Variants in PAN3 observed in about 807,000 individuals in gnomAD.
PAN3 encodes the protein poly(A) specific ribonuclease subunit PAN3.
A neutral mutation model predicts 96.2 loss-of-function variants in PAN3; 19 were observed. The ratio of observed to expected loss-of-function variants is 0.20; its 90% CI spans 0.14 to 0.29. PAN3 has a LOEUF of 0.29. Ranked by LOEUF, PAN3 falls within the 10% of genes least tolerant of loss-of-function variation. PAN3 has a pLI of 1.00. For synonymous variants in PAN3, 433 were observed against 406.6 expected (o/e 1.06, Z -0.78); for missense variants, 882 against 1,108.1 (o/e 0.80, Z 2.90).
intron 13 of PAN3, among the ~76,000 whole-genome samples, chr13:28,271,400 T>A (rs1344428096): frequency 2.0e-5 from 3 of 152,226 alleles, no homozygotes; most frequent in Admixed American, 2.0e-4. Context: ...TGTCTTGGGC[T>A]GCATAACATA....
chr13:28,149,535 C>T (rs1007976248), intron 1 of PAN3, among the ~76,000 whole-genome samples: 4 of 151,994 alleles, frequency 2.6e-5, no homozygotes, highest in African/African-American at 7.3e-5. Context: ...GCCTAGTAGT[C>T]GCTAGAAAGT....
intron 4 of PAN3, among the ~76,000 whole-genome samples, chr13:28,194,466 A>ATATATTTT (rs1429166016): frequency 1.6e-5 from 2 of 122,114 alleles, no homozygotes; most frequent in African/African-American, 7.2e-5. Context: ...ATATATATAT[A>ATATATTTT]TTTTTTTTTT....
At chr13:28,257,745 ATAAT>A (rs1885307791) in intron 7 of PAN3, among the ~76,000 whole-genome samples, 1 of 138,630 alleles carries the variant, frequency 7.2e-6, no homozygotes, top group African/African-American at 2.7e-5. Context: ...TAAATTATAT[ATAAT>A]ATATAATTAA....
At chr13:28,139,193 C>A (rs1048605721) in intron 1 of PAN3, 106 bp downstream of exon 1, 78 of 1,189,884 alleles carry the variant, frequency 6.6e-5, no homozygotes, top group Non-Finnish European at 7.7e-5. Context: ...GGCTCCCCCC[C>A]TCACCTCCCA....
At chr13:28,234,000 T>A (rs1207658284) in intron 6 of PAN3, among the ~76,000 whole-genome samples, 2 of 152,214 alleles carry the variant, frequency 1.3e-5, no homozygotes, top group Non-Finnish European at 2.9e-5. Flanking sequence ...CAGTTTCTCA[T>A]CCAGACCTCC....
At chr13:28,260,834 T>C (rs1294047233) in intron 8 of PAN3, among the ~76,000 whole-genome samples, 2 of 152,212 alleles carry the variant, frequency 1.3e-5, no homozygotes, top group African/African-American at 2.4e-5. Context: ...TTGAAGTATA[T>C]AAATAATTTA....
intron 1 of PAN3, among the ~76,000 whole-genome samples, chr13:28,147,781 T>C (rs978687414): frequency 6.6e-6 from 1 of 152,196 alleles, no homozygotes; most frequent in African/African-American, 2.4e-5. Context: ...GGGAATTGTC[T>C]AAGTAAGGGT....
intron 1 of PAN3, among the ~76,000 whole-genome samples, chr13:28,139,508 G>GTATGTT (rs1177750182): frequency 5.4e-5 from 7 of 130,564 alleles, no homozygotes; most frequent in African/African-American, 2.2e-4. Context: ...GTGGGGAGGG[G>GTATGTT]TGTGTTTGTG....
At chr13:28,149,411 A>C (rs1055430103) in intron 1 of PAN3, among the ~76,000 whole-genome samples, 3 of 152,172 alleles carry the variant, frequency 2.0e-5, no homozygotes, top group Admixed American at 2.0e-4. Flanking sequence ...AAGATACTTG[A>C]AATATTCATT....
At chr13:28,241,836 C>T (rs1593543243) in intron 6 of PAN3, among the ~76,000 whole-genome samples, 1 of 152,190 alleles carries the variant, frequency 6.6e-6, no homozygotes, top group East Asian at 1.9e-4. Context: ...TTTCTCATGG[C>T]AAAAGCCCCA....
intron 1 of PAN3, among the ~76,000 whole-genome samples, chr13:28,149,325 T>G (rs1167941237): frequency 6.6e-6 from 1 of 152,136 alleles, no homozygotes; most frequent in Non-Finnish European, 1.5e-5. Flanking sequence ...ATCATGCCAC[T>G]GCCCTCCAGC....
chr13:28,243,832 G>C (rs954847393), intron 6 of PAN3, among the ~76,000 whole-genome samples: 2 of 152,090 alleles, frequency 1.3e-5, no homozygotes, highest in African/African-American at 4.8e-5. Context: ...GGGATTACAG[G>C]TGTGCGCCAC....
At chr13:28,139,514 T>TTGTGTGTGTGTGTGTGTGTGTGTG (rs10577740) in intron 1 of PAN3, among the ~76,000 whole-genome samples, 5 of 93,100 alleles carry the variant, frequency 5.4e-5, no homozygotes, top group African/African-American at 2.6e-4. Context: ...AGGGGTGTGT[T>TTGTGTGTGTGTGTGTGTGTGTGTG]TGTGTGTGTG....
intron 13 of PAN3, among the ~76,000 whole-genome samples, chr13:28,271,222 C>T (rs1264040749): frequency 6.6e-6 from 1 of 152,128 alleles, no homozygotes; most frequent in Non-Finnish European, 1.5e-5. Context: ...CTGGGCCCTA[C>T]CCCCAGAGAT....
chr13:28,146,929 C>CCT (rs1376827162), intron 1 of PAN3, among the ~76,000 whole-genome samples: 6 of 151,758 alleles, frequency 4.0e-5, no homozygotes, highest in Non-Finnish European at 8.8e-5. Flanking sequence ...GTTGCAGCGA[C>CCT]CTGAGATCGT....
At chr13:28,207,566 C>G (rs1255785151) in intron 5 of PAN3, among the ~76,000 whole-genome samples, 1 of 152,162 alleles carries the variant, frequency 6.6e-6, no homozygotes, top group African/African-American at 2.4e-5. Context: ...TTTGGCTATT[C>G]TTTTTGAACA....
chr13:28,238,342 T>C (rs1462336481), intron 6 of PAN3, among the ~76,000 whole-genome samples: 1 of 152,238 alleles, frequency 6.6e-6, no homozygotes, highest in African/African-American at 2.4e-5. Flanking sequence ...TTAATCCCCC[T>C]GAAACCCCTT....
chr13:28,275,415 C>G (rs1886976429), intron 14 of PAN3, among the ~76,000 whole-genome samples: 1 of 152,126 alleles, frequency 6.6e-6, no homozygotes, highest in African/African-American at 2.4e-5. Flanking sequence ...AGGCTTAATA[C>G]AGCATCAGTT....
At chr13:28,228,430 G>A (rs1475558556) in intron 6 of PAN3, among the ~76,000 whole-genome samples, 1 of 152,116 alleles carries the variant, frequency 6.6e-6, no homozygotes, top group Non-Finnish European at 1.5e-5. Flanking sequence ...ATAAATGCCT[G>A]CAACAACCTA....
Sources: allele counts gnomAD v4.1 joint callset (sites outside exome capture counted in the v4.1 genomes callset), GRCh38; gene constraint gnomAD v4.1.1; transcripts MANE v1.5; gene names NCBI Gene and HGNC (gene_info 2026-07-23, HGNC 2026-07-21).